ALDH1A2: variants seen among roughly 807,000 people sequenced by gnomAD.
The protein encoded by ALDH1A2 is aldehyde dehydrogenase 1 family member A2.
A neutral mutation model predicts 60.3 loss-of-function variants in ALDH1A2; 27 were observed. The observed-to-expected ratio is 0.45, with a 90% CI of 0.33 to 0.62. The LOEUF (loss-of-function observed/expected upper bound fraction) is 0.62, where lower values mean the gene tolerates loss of function less well. Ranked by LOEUF, ALDH1A2 falls within the 20% of genes least tolerant of loss-of-function variation. The pLI, the probability that ALDH1A2 is intolerant of heterozygous loss-of-function variation, is 0.02. For missense variants in ALDH1A2, 581 were observed against 643.8 expected (o/e 0.90, Z 1.06); for synonymous variants, 289 against 232.4 (o/e 1.24, Z -2.21).
chr15:58,041,751 GAT>G (rs765152529), intron 1 of ALDH1A2, among the ~76,000 whole-genome samples: 2 of 151,844 alleles, frequency 1.3e-5, no homozygotes, highest in African/African-American at 2.4e-5. Context: ...ATCCATGGGG[GAT>G]ATGTTCCAAA....
At chr15:57,975,974 G>A (rs756506987) in intron 7 of ALDH1A2, among the ~76,000 whole-genome samples, 77 of 152,206 alleles carry the variant, frequency 5.1e-4, no homozygotes, top group Middle Eastern at 6.8e-3. Flanking sequence ...TTAAATAAGT[G>A]AAATCTATTG....
At chr15:58,023,678 C>G (rs1436821872) in intron 1 of ALDH1A2, among the ~76,000 whole-genome samples, 1 of 88,428 alleles carries the variant, frequency 1.1e-5, no homozygotes, top group African/African-American at 3.9e-5. Flanking sequence ...AAAGGAACTG[C>G]CAACCCAGAA....
chr15:58,004,676 G>C (rs557632544), intron 4 of ALDH1A2, among the ~76,000 whole-genome samples: 172 of 146,382 alleles, frequency 1.2e-3, no homozygotes, highest in African/African-American at 4.2e-3. Flanking sequence ...TTTTATGGCT[G>C]TGTAGTATCC....
intron 1 of ALDH1A2, among the ~76,000 whole-genome samples, chr15:58,018,817 T>C (rs188675195): frequency 7.0e-4 from 107 of 152,292 alleles, no homozygotes; most frequent in African/African-American, 2.3e-3. Context: ...AATTGTCCTA[T>C]ACTTACTTAA....
rs1390574323 is a variant in ALDH1A2, at chr15:58,014,085, G to C, written c.223-87C>G. 3.7e-6 allele frequency: 6 copies of C among 1,613,878 alleles called. No homozygotes were observed. The South Asian group carries it at 5.5e-5, about 15-fold the overall frequency. On this transcript the variant is annotated intron_variant, in intron 2 of 12. Transcript: ENST00000249750. ...CTGTCATGAAAAAAGTGAAGCATGAGCATGTAGTGGTGTACTGAGAGCATA... is the reference window on the plus strand; with the variant it reads ...CTGTCATGAAAAAAGTGAAGCATGACCATGTAGTGGTGTACTGAGAGCATA...
chr15:58,017,083 C>T (rs1280887091), intron 1 of ALDH1A2, among the ~76,000 whole-genome samples: 2 of 152,080 alleles, frequency 1.3e-5, no homozygotes, highest in African/African-American at 4.8e-5. Flanking sequence ...AAATCTTGGG[C>T]TATGAGTCCT....
intron 3 of ALDH1A2, 55 bp downstream of exon 3, chr15:58,013,803 T>C: frequency 6.2e-7 from 1 of 1,607,104 alleles, no homozygotes; most frequent in Non-Finnish European, 8.5e-7. Context: ...GAATGTAAAT[T>C]TCAGCAGAAT....
At chr15:57,986,345 C>T (rs1388457679) in intron 7 of ALDH1A2, among the ~76,000 whole-genome samples, 1 of 151,938 alleles carries the variant, frequency 6.6e-6, no homozygotes, top group African/African-American at 2.4e-5. Flanking sequence ...ACACTGGGGA[C>T]ATTCAACAGA....
intron 1 of ALDH1A2, among the ~76,000 whole-genome samples, chr15:58,028,198 T>A (rs1896130895): frequency 6.6e-6 from 1 of 152,036 alleles, no homozygotes. Flanking sequence ...TAACAGCAGA[T>A]CCCTTGGCAG....
At chr15:58,040,243 GCT>G (rs776614495) in intron 1 of ALDH1A2, among the ~76,000 whole-genome samples, 16 of 151,958 alleles carry the variant, frequency 1.1e-4, no homozygotes, top group Admixed American at 6.6e-4. Context: ...GAAAGCACTG[GCT>G]CTCTGAATCC....
At chr15:57,983,723 C>T (rs905078403) in intron 7 of ALDH1A2, among the ~76,000 whole-genome samples, 1 of 152,066 alleles carries the variant, frequency 6.6e-6, no homozygotes, top group Non-Finnish European at 1.5e-5. Flanking sequence ...CTCCATGCTC[C>T]CATAACACAC....
chr15:58,061,624 A>AAAAAAAAAAT (rs1897041037), intron 1 of ALDH1A2, among the ~76,000 whole-genome samples: 1 of 150,024 alleles, frequency 6.7e-6, no homozygotes, highest in Non-Finnish European at 1.5e-5. Flanking sequence ...AAAAAAAAAA[A>AAAAAAAAAAT]AACGGAACAA....
At chr15:57,967,266 G>C (rs570095560) in intron 7 of ALDH1A2, among the ~76,000 whole-genome samples, 3 of 152,040 alleles carry the variant, frequency 2.0e-5, no homozygotes, top group Non-Finnish European at 4.4e-5. Context: ...TCCTCTGTAG[G>C]GGGGGATAAA....
At chr15:58,058,913 C>T (rs1182259168) in intron 1 of ALDH1A2, among the ~76,000 whole-genome samples, 2 of 152,078 alleles carry the variant, frequency 1.3e-5, no homozygotes, top group Non-Finnish European at 2.9e-5. Flanking sequence ...CGTTTAGCCC[C>T]AGGGAAGTGT....
At chr15:57,963,102 C>T (rs1893781640) in intron 9 of ALDH1A2, among the ~76,000 whole-genome samples, 2 of 152,154 alleles carry the variant, frequency 1.3e-5, no homozygotes. Context: ...CTTTCACAAG[C>T]TACAAGGGAT....
At chr15:57,959,431 T>A (rs944172801) in intron 12 of ALDH1A2, among the ~76,000 whole-genome samples, 5 of 152,212 alleles carry the variant, frequency 3.3e-5, no homozygotes, top group Admixed American at 6.5e-5. Flanking sequence ...TGGTTATAGG[T>A]TCTGGCTGTC....
chr15:58,051,584 G>C (rs1180602497), intron 1 of ALDH1A2, among the ~76,000 whole-genome samples: 1 of 152,044 alleles, frequency 6.6e-6, no homozygotes, highest in Non-Finnish European at 1.5e-5. Context: ...TCCTCTACAA[G>C]AAAAACTAGC....
intron 1 of ALDH1A2, among the ~76,000 whole-genome samples, chr15:58,058,799 G>C (rs1055757385): frequency 3.9e-5 from 6 of 152,172 alleles, no homozygotes; most frequent in African/African-American, 1.4e-4. Context: ...TAACAGAGCT[G>C]AACTGGAGTA....
chr15:57,985,398 A>G (rs1894664275), intron 7 of ALDH1A2, among the ~76,000 whole-genome samples: 1 of 152,208 alleles, frequency 6.6e-6, no homozygotes, highest in Admixed American at 6.5e-5. Flanking sequence ...CTGATGTCAT[A>G]TTACAAACTA....
Sources: allele counts gnomAD v4.1 joint callset (sites outside exome capture counted in the v4.1 genomes callset), GRCh38; gene constraint gnomAD v4.1.1; transcripts MANE v1.5; gene names NCBI Gene and HGNC (gene_info 2026-07-23, HGNC 2026-07-21).